Variants in IER3IP1 observed in about 807,000 individuals in gnomAD.
IER3IP1 encodes the protein immediate early response 3 interacting protein 1, also known as immediate early response 3-interacting protein 1.
IER3IP1 carries 16 observed loss-of-function variants against 12.2 expected under a neutral mutation model. The observed-to-expected ratio is 1.31, with a 90% CI of 0.89 to 1.99. The LOEUF (loss-of-function observed/expected upper bound fraction) is 1.99. IER3IP1 is among the 30% of genes most tolerant of loss of function. The pLI, the probability that IER3IP1 is intolerant of heterozygous loss-of-function variation, is 0.00. For synonymous variants in IER3IP1, 42 were observed against 40.0 expected, an observed-to-expected ratio of 1.05 and a Z score of -0.19; for missense variants, 95 against 95.8, an observed-to-expected ratio of 0.99 and a Z score of 0.03.
chr18:47,169,707 T>C (rs2064009054), intron 1 of IER3IP1, among the ~76,000 whole-genome samples: 1 of 152,140 alleles, frequency 6.6e-6, no homozygotes, highest in Non-Finnish European at 1.5e-5. Context: ...ATTAATAATG[T>C]TGACCATCTA....
In IER3IP1 at chr18:47,163,154, T is replaced by G. The variant is rs142842971; in HGVS notation, c.92-5617A>C. Reference sequence around the variant, plus strand: ...AGTTTAATTTATAAATTAGACATAGTAAGAGATTAATAACAGTAACTCATA... The same window carrying G: ...AGTTTAATTTATAAATTAGACATAGGAAGAGATTAATAACAGTAACTCATA... On this transcript the variant is annotated intron_variant, in intron 1 of 2. Transcript: ENST00000256433. Among the ~76,000 whole-genome samples the G allele has an allele frequency of 2.0e-5, 3 of 152,252 alleles. No homozygotes were observed. The East Asian group carries it at 5.8e-4, about 29-fold the overall frequency.
At chr18:47,167,021 A>G (rs984728378) in intron 1 of IER3IP1, among the ~76,000 whole-genome samples, 1 of 151,918 alleles carries the variant, frequency 6.6e-6, no homozygotes, top group Non-Finnish European at 1.5e-5. Flanking sequence ...CAAAGTATTA[A>G]TATTTCTGGG....
Position 47,157,456 on chromosome 18 carries a change from G to C in IER3IP1, c.173C>G (p.Ser58Cys), listed in dbSNP as rs1477666437. Residue 58 changes from serine to cysteine, a missense_variant, in exon 2 of 3, where the codon TCT (serine) becomes TGT (cysteine). Coordinates refer to ENST00000256433, the MANE Select transcript of IER3IP1 (RefSeq NM_016097.5). Reference sequence around the variant, plus strand: ...CTTACCTCTCATCACGGTTCTTACAGATCGAATAAGGTTCATTAGCTGTGA... The same window carrying C: ...CTTACCTCTCATCACGGTTCTTACACATCGAATAAGGTTCATTAGCTGTGA... ...IKSQLMNLIRSVRTVMRVPLI... is the reference protein window; with the variant it reads ...IKSQLMNLIRCVRTVMRVPLI... The C allele has an allele frequency of 1.9e-6, 3 of 1,613,772 alleles. No homozygotes were observed. The African/African-American group carries it at 4.0e-5, about 22-fold the overall frequency.
chr18:47,176,292 G>A lies in IER3IP1; in HGVS notation c.-15C>T. The A allele has an allele frequency of 6.3e-7, 1 of 1,593,114 alleles. No homozygotes were observed. Among genetic ancestry groups the A allele is most frequent in the Non-Finnish European group, 8.6e-7 (1 of 1,168,780 alleles). On this transcript the variant is annotated 5_prime_UTR_variant, in exon 1 of 3. Coordinates refer to ENST00000256433, the MANE Select transcript of IER3IP1 (RefSeq NM_016097.5). ...GTAAAGGCCATGGCCGTCCGAGGCC[G>A]CCCCGAAGTCCAAGCGATTTCTCTC...
intron 1 of IER3IP1, among the ~76,000 whole-genome samples, chr18:47,171,082 T>A (rs1269136950): frequency 6.6e-6 from 1 of 152,050 alleles, no homozygotes; most frequent in Non-Finnish European, 1.5e-5. Context: ...ATTTTTTTTT[T>A]ATCATGAAAG....
chr18:47,168,301 C>CAAAA (rs35347851), intron 1 of IER3IP1, among the ~76,000 whole-genome samples: 1 of 107,142 alleles, frequency 9.3e-6, no homozygotes, highest in African/African-American at 3.8e-5. Flanking sequence ...GACTCCATCA[C>CAAAA]AAAAAAAAAA....
intron 1 of IER3IP1, among the ~76,000 whole-genome samples, chr18:47,175,467 T>C (rs934371974): frequency 0.031 from 5 of 162 alleles, no homozygotes; most frequent in African/African-American, 0.025. Context: ...TTTTGTTTTG[T>C]TTGTTTTGTT....
rs1443032780 is a variant in IER3IP1, at chr18:47,172,526, C to T, written c.91+3661G>A. Reference sequence around the variant, plus strand: ...TAGATGCCTGAAACAGAAGATAGTACCCAACCGTATATGTAGTGTATTTTT... The same window carrying T: ...TAGATGCCTGAAACAGAAGATAGTATCCAACCGTATATGTAGTGTATTTTT... On this transcript the variant is annotated intron_variant, in intron 1 of 2. Transcript: ENST00000256433. This position sits in a 1 kb window ranked among gnomAD's most constrained non-coding sequence, Gnocchi z 4.0. Among the ~76,000 whole-genome samples the T allele has an allele frequency of 1.3e-5, 2 of 152,078 alleles. No homozygotes were observed. The highest frequency in any genetic ancestry group is 4.8e-5 in the African/African-American group (2 of 41,402).
Position 47,153,147 on chromosome 18 carries a change from AAC to A in IER3IP1, c.*3028_*3029del, listed in dbSNP as rs2063946301. On this transcript the variant is annotated 3_prime_UTR_variant, in exon 3 of 3. Transcript: ENST00000256433. ...AGTAATACACATCTAACACATATAG[AAC>A]ACAGATTGCCTACTCTTATTGTATC... 1 of 152,240 alleles carries A rather than the reference AAC, an allele frequency of 6.6e-6. No individual in the cohort carries two copies. Among genetic ancestry groups the A allele is most frequent in the Non-Finnish European group, 1.5e-5 (1 of 68,050 alleles). The allele number at this position is 152,240 out of a possible 1,614,324, so 9.4% of individuals were successfully genotyped here. A position where few individuals can be genotyped will look rare whatever the true frequency, so the allele number is the denominator to read the frequency against.
Position 47,176,168 on chromosome 18 carries a change from G to C in IER3IP1, c.91+19C>G. 1 of 1,573,282 alleles carries C rather than the reference G, an allele frequency of 6.4e-7. No homozygotes were observed. The highest frequency in any genetic ancestry group is 8.6e-7 in the Non-Finnish European group (1 of 1,159,278). ...GGACTCCGCCGCCGCCCCAGCCCGC[G>C]CCCCGCGGTCCCACTCACTGTTCTT... On this transcript the variant is annotated intron_variant, in intron 1 of 2. Transcript: ENST00000256433.
chr18:47,163,145 T>C (rs138949124), intron 1 of IER3IP1, among the ~76,000 whole-genome samples: 38 of 152,274 alleles, frequency 2.5e-4, no homozygotes, highest in African/African-American at 9.1e-4. Context: ...ATTTATAAAT[T>C]AGACATAGTA....
At chr18:47,171,817 G>C (rs969479023) in intron 1 of IER3IP1, among the ~76,000 whole-genome samples, 3 of 151,818 alleles carry the variant, frequency 2.0e-5, no homozygotes, top group African/African-American at 7.3e-5. Flanking sequence ...TTTTGAGACA[G>C]GGTCTCACTG....
chr18:47,158,142 A>T (rs184149850), intron 1 of IER3IP1, among the ~76,000 whole-genome samples: 21 of 152,348 alleles, frequency 1.4e-4, no homozygotes, highest in Admixed American at 1.2e-3. Flanking sequence ...GACAAGAAAT[A>T]TCAAAATCTC....
chr18:47,176,069 C>G, intron 1 of IER3IP1, 118 bp downstream of exon 1: 1 of 857,486 alleles, frequency 1.2e-6, no homozygotes, highest in Non-Finnish European at 1.9e-6. Context: ...CACTCCAAGC[C>G]GAGCCTTCCG....
intron 1 of IER3IP1, among the ~76,000 whole-genome samples, chr18:47,163,188 G>A (rs1290304772): frequency 6.6e-6 from 1 of 152,116 alleles, no homozygotes; most frequent in East Asian, 1.9e-4. Flanking sequence ...TAATAAAATA[G>A]AGTAATTATA....
At chr18:47,158,045 C>G (rs1010945919) in intron 1 of IER3IP1, among the ~76,000 whole-genome samples, 1 of 152,054 alleles carries the variant, frequency 6.6e-6, no homozygotes, top group Non-Finnish European at 1.5e-5. Flanking sequence ...ATCATAATAC[C>G]AAAATACACA....
chr18:47,160,229 T>C (rs2063975746), intron 1 of IER3IP1, among the ~76,000 whole-genome samples: 1 of 151,572 alleles, frequency 6.6e-6, no homozygotes, highest in Non-Finnish European at 1.5e-5. Context: ...CTCTGTGCCA[T>C]GCTTCTGTGT....
At chr18:47,168,075 G>A (rs568485276) in intron 1 of IER3IP1, among the ~76,000 whole-genome samples, 10 of 146,246 alleles carry the variant, frequency 6.8e-5, no homozygotes, top group Admixed American at 2.8e-4. Context: ...GCAGTGAGCC[G>A]GGATCGTGCC....
At position 47,153,197 on chromosome 18, in the gene IER3IP1, A is replaced by C. The variant is rs1362112519; in HGVS notation, c.*2980T>G. ...ATCTAAAGCAAGGATTTTGATGGGG[A>C]GAGGAAGGTGGGGGAACTCATTTAG... is the stretch of plus-strand genomic sequence containing the variant. On this transcript the variant is annotated 3_prime_UTR_variant, in exon 3 of 3. Transcript: ENST00000256433. 1 of 152,202 alleles carries C rather than the reference A, an allele frequency of 6.6e-6. No individual in the cohort carries two copies. The highest frequency in any genetic ancestry group is 1.5e-5 in the Non-Finnish European group (1 of 68,066). The allele number at this position is 152,202 out of a possible 1,614,324, so 9.4% of individuals were successfully genotyped here. A position where few individuals can be genotyped will look rare whatever the true frequency, so the allele number is the denominator to read the frequency against.
Sources: gnomAD v4.1 joint callset for allele counts (sites outside exome capture counted in the v4.1 genomes callset) on GRCh38, gnomAD v4.1.1 for gene constraint, Gnocchi (gnomAD v3.1) non-coding constraint, MANE v1.5 for transcripts, NCBI Gene and HGNC (gene_info 2026-07-23, HGNC 2026-07-21) for gene names.